The following EIF2B3 variants were observed in gnomAD, a reference collection of about 807,000 sequenced individuals.
EIF2B3 encodes the protein eukaryotic translation initiation factor 2B subunit gamma.
EIF2B3 carries 20 observed loss-of-function variants against 54.1 expected under a neutral mutation model. The observed-to-expected ratio is 0.37, with a 90% CI of 0.26 to 0.54. The LOEUF is 0.54. Among genes scored for constraint, EIF2B3 ranks in the 20% least tolerant of loss-of-function variants. The pLI, the probability that EIF2B3 is intolerant of heterozygous loss-of-function variation, is 0.86. For synonymous variants in EIF2B3, 153 were observed against 188.1 expected (o/e 0.81, Z 1.52); for missense variants, 448 against 547.8 (o/e 0.82, Z 1.82).
chr1:44,883,181 G>A (rs550617358), intron 6 of EIF2B3, among the ~76,000 whole-genome samples: 13 of 151,526 alleles, frequency 8.6e-5, no homozygotes, highest in East Asian at 7.8e-4. Flanking sequence ...CAGGTGATCC[G>A]CTTGCTCCGG....
intron 3 of EIF2B3, among the ~76,000 whole-genome samples, chr1:44,960,445 C>G (rs1644272372): frequency 6.6e-6 from 1 of 152,066 alleles, no homozygotes; most frequent in South Asian, 2.1e-4. Flanking sequence ...CGAGACCATC[C>G]TGGCTAACAC....
chr1:44,887,006 T>G (rs886215099), intron 6 of EIF2B3, among the ~76,000 whole-genome samples: 1 of 152,226 alleles, frequency 6.6e-6, no homozygotes. Flanking sequence ...GCAAGGTACC[T>G]GCAAGGACCC....
chr1:44,875,972 A>G (rs1237806859), intron 8 of EIF2B3, among the ~76,000 whole-genome samples: 1 of 152,126 alleles, frequency 6.6e-6, no homozygotes, highest in African/African-American at 2.4e-5. Flanking sequence ...TTTTTGGTGG[A>G]GACGGGTTTC....
chr1:44,856,721 T>C (rs557961086), intron 11 of EIF2B3, among the ~76,000 whole-genome samples: 39 of 151,802 alleles, frequency 2.6e-4, no homozygotes, highest in Non-Finnish European at 4.7e-4. Context: ...GTCTACAGAG[T>C]TGGTGGGGTT....
intron 4 of EIF2B3, among the ~76,000 whole-genome samples, chr1:44,927,509 C>T (rs1643865324): frequency 6.6e-6 from 1 of 152,134 alleles, no homozygotes; most frequent in Admixed American, 6.6e-5. Context: ...GGCCCTACCT[C>T]CAACACTGGG....
At chr1:44,925,668 T>A (rs759089124) in intron 5 of EIF2B3, among the ~76,000 whole-genome samples, 5 of 152,198 alleles carry the variant, frequency 3.3e-5, no homozygotes, top group Non-Finnish European at 5.9e-5. Flanking sequence ...GGCTCACTCC[T>A]GTAATCCCCA....
At chr1:44,945,537 G>C (rs1453347755) in intron 3 of EIF2B3, among the ~76,000 whole-genome samples, 1 of 147,362 alleles carries the variant, frequency 6.8e-6, no homozygotes, top group African/African-American at 2.5e-5. Flanking sequence ...CTGGGTAACA[G>C]CGCAAGACTC....
intron 5 of EIF2B3, among the ~76,000 whole-genome samples, chr1:44,902,466 C>T (rs1286302751): frequency 6.6e-6 from 1 of 151,768 alleles, no homozygotes; most frequent in Non-Finnish European, 1.5e-5. Flanking sequence ...TGCACCCCAG[C>T]ACCTAGGCGA....
At chr1:44,973,035 TG>T (rs1178217963) in intron 3 of EIF2B3, among the ~76,000 whole-genome samples, 2 of 152,128 alleles carry the variant, frequency 1.3e-5, no homozygotes, top group Non-Finnish European at 2.9e-5. Flanking sequence ...AACGAAATCC[TG>T]TCTCAAAAAC....
chr1:44,897,556 C>T, intron 5 of EIF2B3, 112 bp from the exon 6 acceptor site: 1 of 828,504 alleles, frequency 1.2e-6, no homozygotes, highest in East Asian at 2.7e-5. Flanking sequence ...GGGTCAGAGG[C>T]ATGCTGCCTA....
chr1:44,887,822 C>T (rs1303913039), intron 6 of EIF2B3, among the ~76,000 whole-genome samples: 2 of 151,950 alleles, frequency 1.3e-5, no homozygotes, highest in Non-Finnish European at 2.9e-5. Flanking sequence ...TGCCTGAACT[C>T]GGGAGGCAGA....
chr1:44,910,159 C>A lies in EIF2B3; in HGVS notation c.567-12715G>T, dbSNP rs564387221. ...CTTATTAAATATTTGGCACAAATATCTTTTACTTATGAACTATTAAAAACA... is the reference window on the plus strand; with the variant it reads ...CTTATTAAATATTTGGCACAAATATATTTTACTTATGAACTATTAAAAACA... On this transcript the variant is annotated intron_variant, in intron 5 of 11. Transcript: ENST00000360403. Among the ~76,000 whole-genome samples the A allele has an allele frequency of 7.2e-5, 11 of 152,254 alleles. No individual in the cohort carries two copies. In the South Asian group the frequency reaches 2.1e-3, roughly 29 times the overall value.
chr1:44,942,721 C>A (rs190728351), intron 3 of EIF2B3, among the ~76,000 whole-genome samples: 171 of 151,382 alleles, frequency 1.1e-3, no homozygotes, highest in Non-Finnish European at 1.9e-3. Flanking sequence ...AGCTACCATG[C>A]CTGATTATAA....
intron 4 of EIF2B3, chr1:44,932,446 CAAAA>C (rs1643904855): frequency 1.3e-5 from 2 of 152,100 alleles, no homozygotes; most frequent in African/African-American, 4.8e-5. Context: ...AACAAACAAA[CAAAA>C]AACTATTGTG....
chr1:44,879,627 C>A (rs1180029764), intron 8 of EIF2B3, among the ~76,000 whole-genome samples, 191 bp downstream of exon 8: 2 of 152,176 alleles, frequency 1.3e-5, no homozygotes, highest in Non-Finnish European at 2.9e-5. Context: ...TGACTATGGA[C>A]CAGGCCCCCT....
chr1:44,888,707 G>A (rs936270416), intron 6 of EIF2B3, among the ~76,000 whole-genome samples: 10 of 152,126 alleles, frequency 6.6e-5, no homozygotes, highest in African/African-American at 1.2e-4. Context: ...TGCTCAAGAC[G>A]GCCCAGCAAG....
chr1:44,851,462 G>A (rs946362526), intron 11 of EIF2B3, among the ~76,000 whole-genome samples: 6 of 152,222 alleles, frequency 3.9e-5, no homozygotes, highest in Non-Finnish European at 8.8e-5. Flanking sequence ...ATATGAGAGA[G>A]AGAGCACCTT....
intron 5 of EIF2B3, among the ~76,000 whole-genome samples, chr1:44,906,962 A>G (rs1643424431): frequency 6.6e-6 from 1 of 152,164 alleles, no homozygotes; most frequent in Non-Finnish European, 1.5e-5. Flanking sequence ...TCTGATTATT[A>G]TCCTGCTGCT....
At chr1:44,879,779 A>T (rs1394930268) in intron 8 of EIF2B3, 39 bp downstream of exon 8, 1 of 1,605,490 alleles carries the variant, frequency 6.2e-7, no homozygotes, top group Admixed American at 1.7e-5. Context: ...GTCTGTTTCT[A>T]GGACAAGAGC....
Sources: gnomAD v4.1 joint callset for allele counts (sites outside exome capture counted in the v4.1 genomes callset) on GRCh38, gnomAD v4.1.1 for gene constraint, MANE v1.5 for transcripts, NCBI Gene and HGNC (gene_info 2026-07-23, HGNC 2026-07-21) for gene names.